GALNTL6: variants seen among roughly 807,000 people sequenced by gnomAD.
The protein encoded by GALNTL6 is polypeptide N-acetylgalactosaminyltransferase-like 6.
GALNTL6 carries 46 observed loss-of-function variants against 73.7 expected under a neutral mutation model. That is an observed-to-expected ratio of 0.62 (90% confidence interval 0.49 to 0.80). GALNTL6 has a LOEUF of 0.80. Among genes scored for constraint, GALNTL6 ranks in the 30% least tolerant of loss-of-function variants. The probability of loss-of-function intolerance (pLI) is 0.00; values close to 1 mark genes in which losing one functional copy is unlikely to be tolerated. For synonymous variants in GALNTL6, 259 were observed against 263.7 expected (o/e 0.98, Z 0.17); for missense variants, 604 against 755.0 (o/e 0.80, Z 2.34).
intron 5 of GALNTL6, among the ~76,000 whole-genome samples, chr4:172,650,362 A>T (rs889291497): frequency 2.0e-5 from 3 of 152,222 alleles, no homozygotes; most frequent in African/African-American, 7.2e-5. Context: ...TAAAAGTCGC[A>T]ATGTCACTAT....
At chr4:172,518,051 G>A (rs1164360771) in intron 5 of GALNTL6, among the ~76,000 whole-genome samples, 2 of 151,742 alleles carry the variant, frequency 1.3e-5, no homozygotes, top group Non-Finnish European at 2.9e-5. Flanking sequence ...TTCTGCCCCA[G>A]TATGCTCACA....
At chr4:172,150,106 A>G (rs1472279995) in intron 2 of GALNTL6, among the ~76,000 whole-genome samples, 4 of 152,130 alleles carry the variant, frequency 2.6e-5, no homozygotes, top group Admixed American at 2.6e-4. Context: ...CCCACTAAGC[A>G]TCTCCTCATT....
At chr4:172,660,435 T>C (rs1731304705) in intron 5 of GALNTL6, among the ~76,000 whole-genome samples, 1 of 152,202 alleles carries the variant, frequency 6.6e-6, no homozygotes, top group Non-Finnish European at 1.5e-5. Flanking sequence ...TTCACAGCTG[T>C]CACCTGAGGA....
At chr4:171,914,647 C>T (rs1737565134) in intron 2 of GALNTL6, among the ~76,000 whole-genome samples, 1 of 151,530 alleles carries the variant, frequency 6.6e-6, no homozygotes. Context: ...AACTCCTAAC[C>T]TCAGGCAATC....
chr4:173,011,223 G>A (rs1220529695), intron 11 of GALNTL6, among the ~76,000 whole-genome samples: 1 of 152,138 alleles, frequency 6.6e-6, no homozygotes, highest in African/African-American at 2.4e-5. Context: ...TTTACATAGA[G>A]TTGTTTGAGC....
At chr4:172,821,103 G>T (rs891175694) in intron 7 of GALNTL6, among the ~76,000 whole-genome samples, 1 of 152,154 alleles carries the variant, frequency 6.6e-6, no homozygotes, top group East Asian at 1.9e-4. Context: ...CATCTGTTTA[G>T]CACTTCACCG....
chr4:172,462,182 C>A, intron 5 of GALNTL6, among the ~76,000 whole-genome samples: 1 of 150,224 alleles, frequency 6.7e-6, no homozygotes, highest in Non-Finnish European at 1.5e-5. Context: ...TTTCATAATT[C>A]TCCAGCTTGC....
chr4:172,340,067 G>A (rs965683804), intron 4 of GALNTL6, among the ~76,000 whole-genome samples: 1 of 152,058 alleles, frequency 6.6e-6, no homozygotes, highest in East Asian at 1.9e-4. Context: ...TCTTTGTCTT[G>A]TTCCTGATCT....
At chr4:172,869,549 C>T (rs1003697162) in intron 7 of GALNTL6, among the ~76,000 whole-genome samples, 1 of 152,186 alleles carries the variant, frequency 6.6e-6, no homozygotes, top group Non-Finnish European at 1.5e-5. Flanking sequence ...TCCATCCCCA[C>T]ATCCGTCTGG....
chr4:172,762,731 A>G (rs1028743924), intron 5 of GALNTL6, among the ~76,000 whole-genome samples: 1 of 152,026 alleles, frequency 6.6e-6, no homozygotes, highest in Non-Finnish European at 1.5e-5. Context: ...GTAGAAAAAA[A>G]GCAAGGTTGA....
At chr4:172,762,316 T>C (rs1293275238) in intron 5 of GALNTL6, among the ~76,000 whole-genome samples, 1 of 152,222 alleles carries the variant, frequency 6.6e-6, no homozygotes, top group Non-Finnish European at 1.5e-5. Context: ...CCGAATTATA[T>C]AAATGTTCTT....
intron 5 of GALNTL6, among the ~76,000 whole-genome samples, chr4:172,487,303 T>TTCTTTCC (rs1561106767): frequency 2.3e-3 from 163 of 70,780 alleles, no homozygotes; most frequent in Admixed American, 5.5e-3. Context: ...TCCTTCTGTC[T>TTCTTTCC]TTCTTTCTTT....
intron 2 of GALNTL6, among the ~76,000 whole-genome samples, chr4:172,123,379 T>C (rs1733203100): frequency 6.6e-6 from 1 of 151,766 alleles, no homozygotes; most frequent in Non-Finnish European, 1.5e-5. Context: ...TCCACCTTTA[T>C]TCACAAAAAC....
rs1438586165 is a variant in GALNTL6, at chr4:172,206,772, C to T, written c.139-22884C>T. On this transcript the variant is annotated intron_variant, in intron 2 of 12. Transcript: ENST00000506823. ...AGAATGCATATCAGAGCAGATGAAA[C>T]GTGTTTTTTGTTTTGTTTTGTTTTG... Among the ~76,000 whole-genome samples, 4 of 133,100 alleles carry T rather than the reference C, an allele frequency of 3.0e-5. 1 individual carries two copies. Among genetic ancestry groups the T allele is most frequent in the African/African-American group, 1.1e-4 (4 of 37,516 alleles). 87.3% of individuals were successfully genotyped at this position (133,100 alleles called of 152,430 possible).
At position 172,068,538 on chromosome 4, in the gene GALNTL6, G is replaced by A. The variant is rs942562094; in HGVS notation, c.139-161118G>A. Among the ~76,000 whole-genome samples the A allele has an allele frequency of 2.7e-5, 3 of 110,094 alleles. 1 individual carries two copies. The highest frequency in any genetic ancestry group is 2.1e-4 in the East Asian group (1 of 4,728). 72.2% of individuals were successfully genotyped at this position (110,094 alleles called of 152,430 possible). A position where few individuals can be genotyped will look rare whatever the true frequency, so the allele number is the denominator to read the frequency against. ...ATTAGAATGTTCTTTTGTGCCCTACGAGTCCTGTGAATGTTTATCTCCTCC... is the reference window on the plus strand; with the variant it reads ...ATTAGAATGTTCTTTTGTGCCCTACAAGTCCTGTGAATGTTTATCTCCTCC... On this transcript the variant is annotated intron_variant, in intron 2 of 12. Transcript: ENST00000506823.
intron 5 of GALNTL6, among the ~76,000 whole-genome samples, chr4:172,586,510 G>C (rs1315530554): frequency 1.3e-5 from 2 of 150,698 alleles, no homozygotes; most frequent in Non-Finnish European, 2.9e-5. Context: ...CAAGATGAAA[G>C]CATTACGGCA....
At chr4:172,837,713 C>T (rs1418919253) in intron 7 of GALNTL6, among the ~76,000 whole-genome samples, 1 of 152,160 alleles carries the variant, frequency 6.6e-6, no homozygotes, top group South Asian at 2.1e-4. Flanking sequence ...TACTGATCCA[C>T]CTCCCTATGA....
At chr4:172,686,509 G>A (rs1732927964) in intron 5 of GALNTL6, among the ~76,000 whole-genome samples, 1 of 152,180 alleles carries the variant, frequency 6.6e-6, no homozygotes, top group African/African-American at 2.4e-5. Flanking sequence ...ATAAAGGTGA[G>A]AATGCAAGTT....
intron 4 of GALNTL6, among the ~76,000 whole-genome samples, chr4:172,325,015 C>CA (rs1163919327): frequency 6.6e-6 from 1 of 150,940 alleles, no homozygotes; most frequent in African/African-American, 2.4e-5. Context: ...GGAAATAAAT[C>CA]AATGACTTTG....
Sources: allele counts gnomAD v4.1 joint callset (sites outside exome capture counted in the v4.1 genomes callset), GRCh38; gene constraint gnomAD v4.1.1; transcripts MANE v1.5; gene names NCBI Gene and HGNC (gene_info 2026-07-23, HGNC 2026-07-21).